Variants in NRXN1 observed in about 807,000 individuals in gnomAD.
NRXN1 encodes neurexin-1.
NRXN1 carries 39 observed loss-of-function variants against 150.9 expected under a neutral mutation model. That is an observed-to-expected ratio of 0.26 (90% CI 0.20 to 0.34). The LOEUF is 0.34. Ranked by LOEUF, NRXN1 falls within the 10% of genes least tolerant of loss-of-function variation. The probability of loss-of-function intolerance (pLI) is 1.00; values close to 1 mark genes in which losing one functional copy is unlikely to be tolerated. For missense variants in NRXN1, 1,815 were observed against 1,949.9 expected (o/e 0.93, Z 1.30); for synonymous variants, 924 against 757.0 (o/e 1.22, Z -3.62).
At chr2:50,293,751 T>G (rs2073231302) in intron 17 of NRXN1, among the ~76,000 whole-genome samples, 1 of 152,156 alleles carries the variant, frequency 6.6e-6, no homozygotes, top group African/African-American at 2.4e-5. Context: ...AGCCACAGAA[T>G]GATGCCTTCC....
chr2:50,053,604 A>C lies in NRXN1; in HGVS notation c.3809-14T>G. 6.2e-7 allele frequency: 1 copy of C among 1,613,044 alleles called. No individual in the cohort carries two copies. ...TGAGCTGACGCCCTGTAAAAATAAT[A>C]TTACATACATGCAAAAATGTTGATT... On this transcript the variant is annotated splice_polypyrimidine_tract_variant and intron_variant, in intron 20 of 22. Transcript: ENST00000401669.
chr2:50,318,069 A>G (rs1165898964), intron 17 of NRXN1, among the ~76,000 whole-genome samples: 1 of 152,082 alleles, frequency 6.6e-6, no homozygotes, highest in Non-Finnish European at 1.5e-5. Flanking sequence ...CACATACTAG[A>G]AGAATAAACA....
At chr2:50,046,158 A>T (rs1263120255) in intron 21 of NRXN1, among the ~76,000 whole-genome samples, 2 of 152,212 alleles carry the variant, frequency 1.3e-5, no homozygotes, top group Admixed American at 1.3e-4. Context: ...GGGAGGTTGC[A>T]TAAAACAGCG....
chr2:50,939,224 A>T (rs1689028439), intron 2 of NRXN1, among the ~76,000 whole-genome samples: 1 of 151,112 alleles, frequency 6.6e-6, no homozygotes, highest in African/African-American at 2.4e-5. Context: ...AAAAAAAAAA[A>T]AAAAAAAAAA....
chr2:50,345,579 T>C (rs572744561), intron 17 of NRXN1, among the ~76,000 whole-genome samples: 3 of 152,044 alleles, frequency 2.0e-5, no homozygotes, highest in East Asian at 3.9e-4. Context: ...AAATTGGGAG[T>C]GGGGAACGAC....
intron 17 of NRXN1, among the ~76,000 whole-genome samples, chr2:50,438,569 T>C (rs1012152826): frequency 6.6e-6 from 1 of 152,228 alleles, no homozygotes; most frequent in Non-Finnish European, 1.5e-5. Context: ...GTGCAATTTT[T>C]CTCACATTAT....
intron 13 of NRXN1, among the ~76,000 whole-genome samples, chr2:50,500,576 G>T (rs180939973): frequency 6.6e-6 from 1 of 152,088 alleles, no homozygotes; most frequent in Non-Finnish European, 1.5e-5. Flanking sequence ...ATAAGACTTC[G>T]AAGGGGAAAG....
chr2:50,217,495 T>C (rs772319521), intron 18 of NRXN1, among the ~76,000 whole-genome samples: 1 of 152,008 alleles, frequency 6.6e-6, no homozygotes. Context: ...GGATCTATAA[T>C]TACATGCTTT....
At chr2:49,928,675 A>T (rs1036908411) in intron 22 of NRXN1, among the ~76,000 whole-genome samples, 3 of 152,202 alleles carry the variant, frequency 2.0e-5, no homozygotes, top group Non-Finnish European at 2.9e-5. Flanking sequence ...GCTTCAATAC[A>T]GTGTAGGCCA....
intron 18 of NRXN1, 84 bp downstream of exon 18, chr2:50,236,705 G>A (rs2065468392): frequency 7.3e-6 from 9 of 1,241,004 alleles, no homozygotes; most frequent in Non-Finnish European, 1.0e-5. Context: ...GGGGAAGGAA[G>A]CATCCAAGAA....
chr2:50,868,353 A>G (rs966380518), intron 5 of NRXN1, among the ~76,000 whole-genome samples: 5 of 136,140 alleles, frequency 3.7e-5, no homozygotes, highest in Non-Finnish European at 7.8e-5. Context: ...ATGTGTATAC[A>G]TGGACATAAA....
chr2:50,285,359 G>T (rs1035217095), intron 17 of NRXN1, among the ~76,000 whole-genome samples: 1 of 152,164 alleles, frequency 6.6e-6, no homozygotes, highest in Non-Finnish European at 1.5e-5. Flanking sequence ...AGCTCAGGGT[G>T]CAAGGTAGAA....
At chr2:50,239,327 G>A (rs1419119187) in intron 17 of NRXN1, among the ~76,000 whole-genome samples, 1 of 151,154 alleles carries the variant, frequency 6.6e-6, no homozygotes, top group Admixed American at 6.6e-5. Context: ...GTTCTCTAAT[G>A]ACTATATACA....
intron 17 of NRXN1, among the ~76,000 whole-genome samples, chr2:50,320,583 G>A (rs1297944460): frequency 6.6e-6 from 1 of 151,690 alleles, no homozygotes; most frequent in East Asian, 2.0e-4. Flanking sequence ...AGTCATAAAG[G>A]CTTCCAAGAG....
chr2:50,221,514 C>T (rs2063887244), intron 18 of NRXN1, among the ~76,000 whole-genome samples: 1 of 151,736 alleles, frequency 6.6e-6, no homozygotes, highest in Non-Finnish European at 1.5e-5. Context: ...TTTAAAAGTG[C>T]AATGAAAAAA....
At chr2:49,969,004 GA>G (rs1160204414) in intron 21 of NRXN1, among the ~76,000 whole-genome samples, 3 of 152,056 alleles carry the variant, frequency 2.0e-5, no homozygotes, top group East Asian at 1.9e-4. Flanking sequence ...AAAGCACTGA[GA>G]GGGGTGCTTA....
At chr2:51,005,339 T>C (rs1240662576) in intron 2 of NRXN1, among the ~76,000 whole-genome samples, 1 of 152,044 alleles carries the variant, frequency 6.6e-6, no homozygotes, top group Non-Finnish European at 1.5e-5. Context: ...TATATACTGA[T>C]ATTTCTATAT....
rs538535878 is a variant in NRXN1 at position 49,988,694 on chromosome 2, C to T, written c.4129-44903G>A. 1.9e-4 allele frequency among the ~76,000 whole-genome samples: 28 copies of T among 150,186 alleles called. No individual in the cohort carries two copies. In the South Asian group the frequency reaches 3.0e-3, roughly 16 times the overall value. On this transcript the variant is annotated intron_variant, in intron 21 of 22. Coordinates refer to ENST00000401669, the MANE Select transcript of NRXN1 (RefSeq NM_001330078.2). Reference sequence around the variant, plus strand: ...CACTGAGAATGAATTGAATTATCACCGTACAAATAAATTTGGGAAGCAAGA... The same window carrying T: ...CACTGAGAATGAATTGAATTATCACTGTACAAATAAATTTGGGAAGCAAGA...
intron 5 of NRXN1, among the ~76,000 whole-genome samples, chr2:50,799,063 G>A (rs939995256): frequency 6.6e-6 from 1 of 152,148 alleles, no homozygotes; most frequent in Non-Finnish European, 1.5e-5. Context: ...TTTGGTATAA[G>A]CTGTCTATCT....
Sources: allele counts gnomAD v4.1 joint callset (sites outside exome capture counted in the v4.1 genomes callset), GRCh38; gene constraint gnomAD v4.1.1; transcripts MANE v1.5; gene names NCBI Gene and HGNC (gene_info 2026-07-23, HGNC 2026-07-21).